The following XXYLT1 variants were observed in gnomAD, a reference collection of about 807,000 sequenced individuals.
XXYLT1 encodes xyloside xylosyltransferase 1.
Under a neutral mutation model 28.9 loss-of-function variants are expected in XXYLT1, and 20 were observed. The ratio of observed to expected loss-of-function variants is 0.69; its 90% confidence interval spans 0.49 to 1.00. XXYLT1 has a LOEUF of 1.00. Ranked by LOEUF, XXYLT1 falls within the 50% of genes least tolerant of loss-of-function variation. XXYLT1 has a pLI of 0.00. For missense variants in XXYLT1, 542 were observed against 560.1 expected (o/e 0.97, Z 0.33); for synonymous variants, 257 against 253.8 (o/e 1.01, Z -0.12).
rs1347756373 is a variant in XXYLT1, at chr3:195,185,078, AGAAGGAAGAAG to A, written c.653-28508_653-28498del. On this transcript the variant is annotated intron_variant, in intron 2 of 3. Coordinates refer to ENST00000310380, the MANE Select transcript of XXYLT1 (RefSeq NM_152531.5). ...TCCCATTAAAGAAAAAAGGAAGGAA[AGAAGGAAGAAG>A]GAAGGAAGGAAGGAAGGAAGGAAGG... is the stretch of plus-strand genomic sequence containing the variant. Among the ~76,000 whole-genome samples, 7 of 118,526 alleles carry A rather than the reference AGAAGGAAGAAG, an allele frequency of 5.9e-5. No individual in the cohort carries two copies. In the East Asian group the frequency reaches 1.0e-3, roughly 18 times the overall value. The allele number at this position is 118,526 out of a possible 152,430, so 77.8% of individuals were successfully genotyped here.
In XXYLT1 at chr3:195,133,492, A is replaced by T. The variant is rs1719005321; in HGVS notation, c.785+22957T>A. Among the ~76,000 whole-genome samples, 1 of 152,224 alleles carries T rather than the reference A, an allele frequency of 6.6e-6. No homozygotes were observed. ...AGGAGAAATGTGTCCCATAAGTGAC[A>T]GCATCTATTGAACTCTAAAAATGAA... On this transcript the variant is annotated intron_variant, in intron 3 of 3. Coordinates refer to ENST00000310380, the MANE Select transcript of XXYLT1 (RefSeq NM_152531.5). The surrounding 1 kb of genome is among the most constrained non-coding windows in gnomAD (Gnocchi z 4.4).
In XXYLT1 at chr3:195,129,501, C is replaced by T. The variant is rs952199648; in HGVS notation, c.785+26948G>A. ...ACGCATATAGTGCGGTCTTCTGTGA[C>T]GGGCTTCTTTCACTCGTCTTAATGC... On this transcript the variant is annotated intron_variant, in intron 3 of 3. Transcript: ENST00000310380. This position sits in a 1 kb window ranked among gnomAD's most constrained non-coding sequence, Gnocchi z 4.4. Among the ~76,000 whole-genome samples the T allele has an allele frequency of 2.6e-5, 4 of 152,198 alleles. No homozygotes were observed. The highest frequency in any genetic ancestry group is 4.8e-5 in the African/African-American group (2 of 41,446).
intron 1 of XXYLT1, among the ~76,000 whole-genome samples, chr3:195,244,269 C>T (rs1343634800): frequency 6.6e-6 from 1 of 152,206 alleles, no homozygotes; most frequent in East Asian, 1.9e-4. Context: ...CGTCACATGT[C>T]AACAGGACGG....
chr3:195,086,633 G>A (rs754813426), intron 3 of XXYLT1, among the ~76,000 whole-genome samples: 31 of 152,152 alleles, frequency 2.0e-4, no homozygotes, highest in Non-Finnish European at 2.9e-4. Context: ...GGTTTGAAGC[G>A]AGGTATGAGG....
chr3:195,248,969 C>T (rs2108837275), intron 1 of XXYLT1, among the ~76,000 whole-genome samples: 1 of 152,246 alleles, frequency 6.6e-6, no homozygotes, highest in African/African-American at 2.4e-5. Context: ...TCGGGTATGT[C>T]TTTATCAGCA....
At chr3:195,264,811 T>C (rs981462443) in intron 1 of XXYLT1, among the ~76,000 whole-genome samples, 1 of 152,134 alleles carries the variant, frequency 6.6e-6, no homozygotes, top group Non-Finnish European at 1.5e-5. Flanking sequence ...ACAACTGCAG[T>C]CCAACATTTT....
chr3:195,197,880 G>A (rs1218062260), intron 2 of XXYLT1, among the ~76,000 whole-genome samples: 3 of 152,190 alleles, frequency 2.0e-5, no homozygotes, highest in East Asian at 1.9e-4. Context: ...ATGGAAAAGC[G>A]AACCAGAGGC....
chr3:195,136,568 T>C (rs556665575), intron 3 of XXYLT1, among the ~76,000 whole-genome samples: 3 of 152,302 alleles, frequency 2.0e-5, no homozygotes, highest in Admixed American at 1.3e-4. Context: ...TAGTGTCTTC[T>C]ACAAAACAAG....
chr3:195,192,408 A>G (rs529357316), intron 2 of XXYLT1, among the ~76,000 whole-genome samples: 7,183 of 151,010 alleles, frequency 0.048, 562 homozygotes, highest in African/African-American at 0.17. Flanking sequence ...CTGGGTAACC[A>G]AGTGAGACTC....
In XXYLT1 at chr3:195,173,504, G is replaced by A. The variant is rs746582082; in HGVS notation, c.653-16923C>T. 5.9e-5 allele frequency among the ~76,000 whole-genome samples: 9 copies of A among 152,142 alleles called. No homozygotes were observed. The highest frequency in any genetic ancestry group is 8.8e-5 in the Non-Finnish European group (6 of 68,024). ...ACAGCCTTGCTATGCACCTAAAAAC[G>A]GACATGAAACTCTATTTTTATTCAC... On this transcript the variant is annotated intron_variant, in intron 2 of 3. Coordinates refer to ENST00000310380, the MANE Select transcript of XXYLT1 (RefSeq NM_152531.5). This position sits in a 1 kb window ranked among gnomAD's most constrained non-coding sequence, Gnocchi z 4.3.
At chr3:195,194,714 T>A (rs1049486385) in intron 2 of XXYLT1, among the ~76,000 whole-genome samples, 9 of 152,134 alleles carry the variant, frequency 5.9e-5, no homozygotes, top group African/African-American at 2.2e-4. Flanking sequence ...AATGGAACAC[T>A]GTGTAACAAA....
chr3:195,185,985 C>A (rs1265447195), intron 2 of XXYLT1, among the ~76,000 whole-genome samples: 2 of 152,116 alleles, frequency 1.3e-5, no homozygotes, highest in African/African-American at 2.4e-5. Flanking sequence ...CTCTAGGGTC[C>A]CTGCAACACC....
At chr3:195,112,179 T>C (rs1369809957) in intron 3 of XXYLT1, among the ~76,000 whole-genome samples, 2 of 152,156 alleles carry the variant, frequency 1.3e-5, no homozygotes, top group Admixed American at 6.5e-5. Context: ...ACTAGGAAAC[T>C]GAGGCTTGCT....
chr3:195,110,732 T>C (rs796362796), intron 3 of XXYLT1, among the ~76,000 whole-genome samples: 5 of 110,568 alleles, frequency 4.5e-5, no homozygotes, highest in African/African-American at 1.1e-4. Flanking sequence ...GTGTGTGTGC[T>C]GTATGTGTGC....
intron 2 of XXYLT1, among the ~76,000 whole-genome samples, chr3:195,157,589 T>C (rs188259960): frequency 3.2e-4 from 49 of 152,274 alleles, no homozygotes; most frequent in African/African-American, 1.1e-3. Flanking sequence ...GTCATTCCCC[T>C]ATCCTTCACC....
chr3:195,131,016 A>G (rs992576313), intron 3 of XXYLT1, among the ~76,000 whole-genome samples: 4 of 152,222 alleles, frequency 2.6e-5, no homozygotes, highest in African/African-American at 9.6e-5. Flanking sequence ...AAATTCTGCA[A>G]GCAGGACCAT....
intron 2 of XXYLT1, among the ~76,000 whole-genome samples, chr3:195,187,434 GTTATTATTAATATT>G (rs1333920287): frequency 2.6e-5 from 4 of 151,980 alleles, no homozygotes; most frequent in Non-Finnish European, 5.9e-5. Flanking sequence ...AGCCTCCACT[GTTATTATTAATATT>G]CATTCAATTT....
chr3:195,135,212 C>T (rs1029251859), intron 3 of XXYLT1, among the ~76,000 whole-genome samples: 5 of 152,098 alleles, frequency 3.3e-5, no homozygotes, highest in African/African-American at 7.2e-5. Flanking sequence ...CAACATGAGG[C>T]GAGATACCCT....
chr3:195,109,592 A>ATG (rs1717355731), intron 3 of XXYLT1, among the ~76,000 whole-genome samples: 2 of 51,568 alleles, frequency 3.9e-5, no homozygotes, highest in Admixed American at 2.2e-4. Flanking sequence ...ATATGAGTGC[A>ATG]CGTGTGTGTG....
Sources: gnomAD v4.1 joint callset for allele counts (sites outside exome capture counted in the v4.1 genomes callset) on GRCh38, gnomAD v4.1.1 for gene constraint, Gnocchi (gnomAD v3.1) non-coding constraint, MANE v1.5 for transcripts, NCBI Gene and HGNC (gene_info 2026-07-23, HGNC 2026-07-21) for gene names.